The following TUNAR variants were observed in gnomAD, a reference collection of about 807,000 sequenced individuals.
TUNAR encodes the protein transmembrane neural differentiation associated intracellular calcium regulator, also known as protein TUNAR.
chr14:95,920,699 T>C (rs1889683928), intron 2 of TUNAR, among the ~76,000 whole-genome samples: 1 of 152,114 alleles, frequency 6.6e-6, no homozygotes, highest in Non-Finnish European at 1.5e-5. Context: ...ACCCAGCCCT[T>C]TCAGGGGCTC....
intron 2 of TUNAR, among the ~76,000 whole-genome samples, chr14:95,879,867 G>T (rs1566783597): frequency 6.6e-6 from 1 of 152,180 alleles, no homozygotes; most frequent in East Asian, 1.9e-4. Flanking sequence ...TCCCTTGTTT[G>T]CTTACTCTTC....
exon 3 of TUNAR, chr14:95,923,420 T>A: frequency 6.5e-6 from 1 of 153,654 alleles, no homozygotes; most frequent in African/African-American, 2.4e-5. Context: ...GGCGCAGCCC[T>A]TTGACAGGCA....
chr14:95,884,991 A>G (rs1469999130), intron 2 of TUNAR, among the ~76,000 whole-genome samples: 1 of 152,072 alleles, frequency 6.6e-6, no homozygotes, highest in Admixed American at 6.5e-5. Context: ...CTTGGCAAGT[A>G]GGAGGGAAAG....
intron 2 of TUNAR, among the ~76,000 whole-genome samples, chr14:95,910,057 C>T (rs1158783741): frequency 2.0e-5 from 3 of 152,198 alleles, no homozygotes; most frequent in Non-Finnish European, 4.4e-5. Context: ...TGATTTAAAT[C>T]GCAACTCGGT....
At chr14:95,902,104 C>G (rs1889363758) in intron 2 of TUNAR, among the ~76,000 whole-genome samples, 1 of 152,078 alleles carries the variant, frequency 6.6e-6, no homozygotes, top group Non-Finnish European at 1.5e-5. Flanking sequence ...ATGGGATTGA[C>G]AGAGAGGGGA....
At chr14:95,909,815 G>A (rs1889484962) in intron 2 of TUNAR, among the ~76,000 whole-genome samples, 1 of 152,262 alleles carries the variant, frequency 6.6e-6, no homozygotes, top group South Asian at 2.1e-4. Flanking sequence ...CAAATCAAGA[G>A]ATGGTGACAG....
intron 2 of TUNAR, among the ~76,000 whole-genome samples, chr14:95,920,901 TTGGAGACC>T (rs1158619863): frequency 1.3e-5 from 2 of 152,174 alleles, no homozygotes; most frequent in Non-Finnish European, 1.5e-5. Context: ...ACTCGTGATT[TTGGAGACC>T]AGCAAGTCCT....
chr14:95,892,429 G>A (rs1350885733), intron 2 of TUNAR, among the ~76,000 whole-genome samples: 4 of 152,244 alleles, frequency 2.6e-5, no homozygotes, highest in African/African-American at 7.2e-5. Context: ...TGTGTGTTCC[G>A]GGGAGCCGGG....
At chr14:95,910,672 G>A (rs1889498731) in intron 2 of TUNAR, among the ~76,000 whole-genome samples, 1 of 150,722 alleles carries the variant, frequency 6.6e-6, no homozygotes, top group Non-Finnish European at 1.5e-5. Flanking sequence ...TATCACCAGG[G>A]ATGGCCTGGC....
intron 2 of TUNAR, among the ~76,000 whole-genome samples, chr14:95,894,750 T>C (rs1258913513): frequency 2.0e-5 from 3 of 152,204 alleles, no homozygotes; most frequent in Admixed American, 2.0e-4. Flanking sequence ...CTCTGCATAT[T>C]GCACAGCTTC....
intron 2 of TUNAR, among the ~76,000 whole-genome samples, chr14:95,908,200 C>T (rs1889454515): frequency 1.3e-5 from 2 of 152,174 alleles, no homozygotes; most frequent in Admixed American, 1.3e-4. Flanking sequence ...GAGCAGATGC[C>T]AACAGCAGGG....
At chr14:95,915,677 C>G (rs1889592902) in intron 2 of TUNAR, among the ~76,000 whole-genome samples, 2 of 152,256 alleles carry the variant, frequency 1.3e-5, no homozygotes, top group Admixed American at 1.3e-4. Context: ...GCAGGGCTCT[C>G]CCTAGCTGCT....
intron 2 of TUNAR, among the ~76,000 whole-genome samples, chr14:95,900,762 G>A (rs17093536): frequency 0.011 from 1,641 of 152,228 alleles, 29 homozygotes; most frequent in African/African-American, 0.038. Flanking sequence ...AAGTGGTGCC[G>A]GGTTTCAAAG....
At chr14:95,908,435 AG>A (rs1889459655) in intron 2 of TUNAR, among the ~76,000 whole-genome samples, 1 of 152,202 alleles carries the variant, frequency 6.6e-6, no homozygotes, top group Non-Finnish European at 1.5e-5. Flanking sequence ...TGTCAGGCAA[AG>A]TGCGTCCTCC....
intron 2 of TUNAR, among the ~76,000 whole-genome samples, chr14:95,906,411 T>G (rs1889427222): frequency 6.6e-6 from 1 of 152,206 alleles, no homozygotes; most frequent in Non-Finnish European, 1.5e-5. Flanking sequence ...CTTTTTCCCT[T>G]TCCTGCAATT....
chr14:95,922,116 A>C (rs552537676), intron 2 of TUNAR, among the ~76,000 whole-genome samples: 1 of 152,354 alleles, frequency 6.6e-6, no homozygotes, highest in African/African-American at 2.4e-5. Flanking sequence ...GCAGGTGCCC[A>C]GTGGTAGAAT....
At chr14:95,923,526 G>T (rs1483891075) in exon 3 of TUNAR, 1 of 152,100 alleles carries the variant, frequency 6.6e-6, no homozygotes, top group Non-Finnish European at 1.5e-5. Flanking sequence ...TCATGTCAAG[G>T]TTTATAAATA....
chr14:95,880,930 A>G (rs1407779464), intron 2 of TUNAR, among the ~76,000 whole-genome samples: 1 of 152,198 alleles, frequency 6.6e-6, no homozygotes, highest in Non-Finnish European at 1.5e-5. Flanking sequence ...TAGATGAGGA[A>G]CCCAGGCTCA....
At position 95,895,405 on chromosome 14, in the gene TUNAR, G is replaced by T. The variant is rs957378520; in HGVS notation, c.12+18228G>T. 3.3e-5 allele frequency among the ~76,000 whole-genome samples: 5 copies of T among 152,134 alleles called. No homozygotes were observed. The highest frequency in any genetic ancestry group is 1.2e-4 in the African/African-American group (5 of 41,426). On this transcript the variant is annotated intron_variant, in intron 2 of 2. Transcript: ENST00000678517. The surrounding 1 kb of genome is among the most constrained non-coding windows in gnomAD (Gnocchi z 4.5). ...GAGTTCCAGCAAATCACACATGTGT[G>T]CATGTTGTTAGAGTGTGTGTGGTGC...
Sources: allele counts gnomAD v4.1 joint callset (sites outside exome capture counted in the v4.1 genomes callset), GRCh38; gene constraint gnomAD v4.1.1; non-coding constraint Gnocchi (gnomAD v3.1); transcripts MANE v1.5; gene names NCBI Gene and HGNC (gene_info 2026-07-23, HGNC 2026-07-21).